Variants in ATP13A1 observed in about 807,000 individuals in gnomAD.
The protein encoded by ATP13A1 is endoplasmic reticulum transmembrane helix translocase.
ATP13A1 carries 55 observed loss-of-function variants against 134.8 expected under a neutral mutation model. That is an observed-to-expected ratio of 0.41 (90% CI 0.33 to 0.51). ATP13A1 has a LOEUF of 0.51. Among genes scored for constraint, ATP13A1 ranks in the 20% least tolerant of loss-of-function variants. The pLI is 0.29. For synonymous variants in ATP13A1, 775 were observed against 725.1 expected (o/e 1.07, Z -1.10); for missense variants, 1,389 against 1,652.8 (o/e 0.84, Z 2.77).
intron 1 of ATP13A1, chr19:19,662,303 G>A: frequency 1.0e-6 from 1 of 985,412 alleles, no homozygotes; most frequent in Non-Finnish European, 1.2e-6. Flanking sequence ...TTGAAGGACA[G>A]AACAGGTTGT....
At chr19:19,650,510 TGGACCA>T in intron 17 of ATP13A1, 1 of 159,318 alleles carries the variant, frequency 6.3e-6, no homozygotes, top group Non-Finnish European at 1.4e-5. Context: ...CTGCTCACCC[TGGACCA>T]TCTCAAGCTG....
rs1446383240 is a variant in ATP13A1 at position 19,659,741 on chromosome 19, A to G, written c.537T>C (p.Tyr179=). The G allele has an allele frequency of 2.5e-6, 4 of 1,613,844 alleles. No individual in the cohort carries two copies. Among genetic ancestry groups the G allele is most frequent in the Non-Finnish European group, 3.4e-6 (4 of 1,179,876 alleles). The change falls in exon 3 of 26, where the codon TAT becomes TAC. Residue 179 remains tyrosine, a synonymous_variant. Coordinates refer to ENST00000357324, the MANE Select transcript of ATP13A1 (RefSeq NM_020410.3). ...GCTTCTTCTCCAGGGCATCGTAGGA[A>G]TACTTGATCTTCTGGAATTCGAAGG... ...VLSFEFQKIK[Y]SYDALEKKQF...
In ATP13A1 at chr19:19,653,747, G is replaced by C; in HGVS notation, c.2100+37C>G. On this transcript the variant is annotated intron_variant, in intron 15 of 25. Transcript: ENST00000357324. The surrounding 1 kb of genome is among the most constrained non-coding windows in gnomAD (Gnocchi z 4.2). ...GACTCAGGGAGGAGCTGACGGGCCA[G>C]GCACATGGTGAAGGCAGGGGGAGCC... 6.6e-7 allele frequency: 1 copy of C among 1,504,822 alleles called. No individual in the cohort carries two copies. The highest frequency in any genetic ancestry group is 9.0e-7 in the Non-Finnish European group (1 of 1,107,010). 93.2% of individuals were successfully genotyped at this position (1,504,822 alleles called of 1,614,324 possible).
chr19:19,656,028 C>T lies in ATP13A1; in HGVS notation c.1213+26G>A, dbSNP rs1460164611. The T allele has an allele frequency of 1.2e-6, 2 of 1,613,104 alleles. No individual in the cohort carries two copies. Among genetic ancestry groups the T allele is most frequent in the East Asian group, 2.2e-5 (1 of 44,848 alleles). Reference sequence around the variant, plus strand: ...GGCAAAGGGGGTGGAAGCCCAGATACCCCCAGACGCCCATGAGGCACCTAC... The same window carrying T: ...GGCAAAGGGGGTGGAAGCCCAGATATCCCCAGACGCCCATGAGGCACCTAC... On this transcript the variant is annotated intron_variant, in intron 8 of 25. Coordinates refer to ENST00000357324, the MANE Select transcript of ATP13A1 (RefSeq NM_020410.3). The surrounding 1 kb of genome is among the most constrained non-coding windows in gnomAD (Gnocchi z 4.6).
At position 19,649,715 on chromosome 19, in the gene ATP13A1, CCT is replaced by C. The variant is rs779465865; in HGVS notation, c.2535+24_2535+25del. The C allele has an allele frequency of 1.3e-5, 21 of 1,613,008 alleles. No individual in the cohort carries two copies. The African/African-American group carries it at 1.6e-4, about 12-fold the overall frequency. On this transcript the variant is annotated intron_variant, in intron 18 of 25. Transcript: ENST00000357324. Reference sequence around the variant, plus strand: ...GGGGCTGCGTGCCTACCGCTGTGCCCCTGACCCCTAGGGCTGTGCACATACCT... The same window carrying C: ...GGGGCTGCGTGCCTACCGCTGTGCCCGACCCCTAGGGCTGTGCACATACCT...
chr19:19,655,137 C>T lies in ATP13A1; in HGVS notation c.1637G>A (p.Arg546His), dbSNP rs757246160. Residue 546 changes from arginine (R) to histidine (H), a missense_variant, in exon 12 of 26, where the codon CGC (arginine) becomes CAC (histidine). Arg to His is a conservative substitution (Grantham distance 29, BLOSUM62 0). Coordinates refer to ENST00000357324, the MANE Select transcript of ATP13A1 (RefSeq NM_020410.3). This position sits in a 1 kb window ranked among gnomAD's most constrained non-coding sequence, Gnocchi z 5.7. ...TGCTTACCTCAGCCCGGCCACACCG[C>T]GCACCACCAGGCTGTCACTGGTCAA... ...GTLTSDSLVV[R>H]GVAGLRDGKE... is the part of the protein sequence containing the mutation. The T allele has an allele frequency of 1.5e-5, 25 of 1,613,836 alleles. No homozygotes were observed. Among genetic ancestry groups the T allele is most frequent in the African/African-American group, 5.3e-5 (4 of 74,946 alleles).
In ATP13A1 at chr19:19,651,711, G is replaced by T; in HGVS notation, c.2313C>A (p.Ile771=). The part of the protein sequence containing the change: ...LHFIEKAHTL[I]LQPPSEKGRQ... Reference sequence around the variant, plus strand: ...CACCTTTCTCGGAGGGAGGCTGCAGGATCAGCGTGTGGGCCTTTTCAATGA... The same window carrying T: ...CACCTTTCTCGGAGGGAGGCTGCAGTATCAGCGTGTGGGCCTTTTCAATGA... Residue 771 remains isoleucine, a synonymous_variant, in exon 17 of 26, where the codon ATC becomes ATA. Transcript: ENST00000357324. The T allele has an allele frequency of 1.2e-6, 2 of 1,612,858 alleles. No homozygotes were observed. Among genetic ancestry groups the T allele is most frequent in the Non-Finnish European group, 1.7e-6 (2 of 1,179,428 alleles).
chr19:19,646,700 C>G, intron 22 of ATP13A1: 1 of 407,968 alleles, frequency 2.5e-6, no homozygotes, highest in Non-Finnish European at 4.5e-6. Context: ...CTGCGTCAGC[C>G]CATGCCTGTT....
chr19:19,645,545 G>A lies in ATP13A1; in HGVS notation c.3505-13C>T, dbSNP rs1391244918. On this transcript the variant is annotated splice_polypyrimidine_tract_variant and intron_variant, in intron 25 of 25. Transcript: ENST00000357324. This position sits in a 1 kb window ranked among gnomAD's most constrained non-coding sequence, Gnocchi z 4.1. Reference sequence around the variant, plus strand: ...TGACCAGCTTGAACTGTCGGGGCAGGGAGGGATGGTGAGCTGGAGACCTGC... The same window carrying A: ...TGACCAGCTTGAACTGTCGGGGCAGAGAGGGATGGTGAGCTGGAGACCTGC... The A allele has an allele frequency of 5.0e-6, 8 of 1,584,838 alleles. No homozygotes were observed. The South Asian group carries it at 9.2e-5, about 18-fold the overall frequency.
chr19:19,646,417 C>T lies in ATP13A1; in HGVS notation c.3106-70G>A, dbSNP rs548268870. 10 of 1,571,162 alleles carry T rather than the reference C, an allele frequency of 6.4e-6. No homozygotes were observed. In the East Asian group the frequency reaches 1.6e-4, roughly 25 times the overall value. On this transcript the variant is annotated intron_variant, in intron 22 of 25. Coordinates refer to ENST00000357324, the MANE Select transcript of ATP13A1 (RefSeq NM_020410.3). ...GGGGCCACCCTGCCCACACAGCAGG[C>T]AGTAACATCCCCTGCCTCCCGGGAG...
intron 16 of ATP13A1, 39 bp downstream of exon 16, chr19:19,652,556 T>C (rs371636656): frequency 3.8e-6 from 6 of 1,588,718 alleles, no homozygotes; most frequent in African/African-American, 2.7e-5. Flanking sequence ...CTCGCCTCTA[T>C]TTCCCATGCA....
chr19:19,653,719 G>A lies in ATP13A1; in HGVS notation c.2100+65C>T, dbSNP rs2062039028. 5.1e-6 allele frequency: 7 copies of A among 1,380,854 alleles called. No individual in the cohort carries two copies. Among genetic ancestry groups the A allele is most frequent in the Non-Finnish European group, 7.0e-6 (7 of 1,003,490 alleles). 85.5% of individuals were successfully genotyped at this position (1,380,854 alleles called of 1,614,324 possible). On this transcript the variant is annotated intron_variant, in intron 15 of 25. Coordinates refer to ENST00000357324, the MANE Select transcript of ATP13A1 (RefSeq NM_020410.3). The surrounding 1 kb of genome is among the most constrained non-coding windows in gnomAD (Gnocchi z 4.2). ...CAACCTGGCACTGTGGGACACAGGA[G>A]GTGACTCAGGGAGGAGCTGACGGGC...
At chr19:19,660,045 C>T in intron 1 of ATP13A1, 58 bp from the exon 2 acceptor site, 1 of 1,478,584 alleles carries the variant, frequency 6.8e-7, no homozygotes, top group Admixed American at 2.3e-5. Flanking sequence ...AGTTCCAAGA[C>T]CCCCCCGGGA....
chr19:19,653,411 AG>A lies in ATP13A1; in HGVS notation c.2100+372del. 1 of 300,202 alleles carries A rather than the reference AG, an allele frequency of 3.3e-6. No individual in the cohort carries two copies. Among genetic ancestry groups the A allele is most frequent in the East Asian group, 8.0e-5 (1 of 12,546 alleles). 18.6% of individuals were successfully genotyped at this position (300,202 alleles called of 1,614,324 possible). ...GTGCAAGCAGAAAGAACGAGAGCCC[AG>A]GAAGAAGCCAAGCGGCAGATGTGCC... is the stretch of plus-strand genomic sequence containing the variant. On this transcript the variant is annotated intron_variant, in intron 15 of 25. Transcript: ENST00000357324. The surrounding 1 kb of genome is among the most constrained non-coding windows in gnomAD (Gnocchi z 4.2).
At chr19:19,658,174 G>T (rs1407828492) in intron 3 of ATP13A1, among the ~76,000 whole-genome samples, 1 of 126,604 alleles carries the variant, frequency 7.9e-6, no homozygotes, top group Non-Finnish European at 1.7e-5. Context: ...AAAAAAAAAA[G>T]GCTCGAGAAT....
At chr19:19,654,184 C>T (rs1472812147) in intron 13 of ATP13A1, 40 bp from the exon 14 acceptor site, 4 of 1,542,828 alleles carry the variant, frequency 2.6e-6, no homozygotes, top group South Asian at 1.2e-5. Flanking sequence ...GGCTTTGCTC[C>T]AAAGAGGCAG....
chr19:19,654,452 C>A (rs1330122839), intron 13 of ATP13A1, 91 bp downstream of exon 13: 8 of 1,445,918 alleles, frequency 5.5e-6, no homozygotes, highest in Non-Finnish European at 7.3e-6. Context: ...CCTGCCTGTC[C>A]CCAAGATGCT....
chr19:19,648,807 CAAA>C (rs71172506), intron 19 of ATP13A1, among the ~76,000 whole-genome samples: 3 of 40,298 alleles, frequency 7.4e-5, no homozygotes, highest in Admixed American at 6.2e-4. Flanking sequence ...GAAACTGTCT[CAAA>C]AAAAAAAAAA....
chr19:19,648,807 C>CAAAAAA (rs71172506), intron 19 of ATP13A1, among the ~76,000 whole-genome samples: 20 of 40,288 alleles, frequency 5.0e-4, no homozygotes, highest in African/African-American at 1.4e-3. Flanking sequence ...GAAACTGTCT[C>CAAAAAA]AAAAAAAAAA....
Sources: allele counts gnomAD v4.1 joint callset (sites outside exome capture counted in the v4.1 genomes callset), GRCh38; gene constraint gnomAD v4.1.1; non-coding constraint Gnocchi (gnomAD v3.1); transcripts MANE v1.5; gene names NCBI Gene and HGNC (gene_info 2026-07-23, HGNC 2026-07-21).